Variants in SAMD5 observed in about 807,000 individuals in gnomAD.
SAMD5 encodes sterile alpha motif domain-containing protein 5.
SAMD5 carries 13 observed loss-of-function variants against 11.3 expected under a neutral mutation model. The observed-to-expected ratio is 1.15, with a 90% CI of 0.75 to 1.83. SAMD5 has a LOEUF of 1.83. SAMD5 is among the 40% of genes most tolerant of loss of function. The probability of loss-of-function intolerance (pLI) is 0.00; values close to 1 mark genes in which losing one functional copy is unlikely to be tolerated. For synonymous variants in SAMD5, 129 were observed against 111.3 expected, an observed-to-expected ratio of 1.16 and a Z score of -1.00; for missense variants, 255 against 239.1, an observed-to-expected ratio of 1.07 and a Z score of -0.44.
the SAMD5 span, among the ~76,000 whole-genome samples, chr6:147,789,100 CAA>C: frequency 0.14 from 18,687 of 136,354 alleles, 1,516 homozygotes; most frequent in East Asian, 0.33. Flanking sequence ...AACAAACAAA[CAA>C]AAAAAAAAAC....
At chr6:147,873,956 T>C in the SAMD5 span, among the ~76,000 whole-genome samples, 1 of 152,206 alleles carries the variant, frequency 6.6e-6, no homozygotes, top group African/African-American at 2.4e-5. Flanking sequence ...AAAAATAGAA[T>C]GAGTCAGTGG....
At chr6:147,619,697 C>A (rs1789928829) in intron 1 of SAMD5, among the ~76,000 whole-genome samples, 1 of 152,228 alleles carries the variant, frequency 6.6e-6, no homozygotes, top group Admixed American at 6.5e-5. Flanking sequence ...AAGGTGTTAG[C>A]AGTATCAGGG....
At chr6:147,887,794 T>C in the SAMD5 span, among the ~76,000 whole-genome samples, 2 of 152,228 alleles carry the variant, frequency 1.3e-5, no homozygotes, top group Admixed American at 6.5e-5. Context: ...TCACAAAAAA[T>C]GTGTGAGAGT....
chr6:147,860,514 G>A, the SAMD5 span, among the ~76,000 whole-genome samples: 1 of 152,130 alleles, frequency 6.6e-6, no homozygotes, highest in Non-Finnish European at 1.5e-5. Flanking sequence ...TCATAAAGAT[G>A]ATTCTTTACT....
chr6:147,733,691 G>A (rs1169822407), intron 1 of SAMD5: 1 of 373,478 alleles, frequency 2.7e-6, no homozygotes, highest in Admixed American at 6.4e-5. Flanking sequence ...TATACTAAAT[G>A]TTATATCTGA....
intron 1 of SAMD5, among the ~76,000 whole-genome samples, chr6:147,586,423 GC>G (rs1250848697): frequency 2.6e-5 from 4 of 152,036 alleles, no homozygotes; most frequent in Non-Finnish European, 4.4e-5. Flanking sequence ...ATATGCTTGT[GC>G]CCTCCACAAG....
At chr6:147,786,121 G>T in the SAMD5 span, among the ~76,000 whole-genome samples, 4 of 152,076 alleles carry the variant, frequency 2.6e-5, no homozygotes, top group African/African-American at 9.7e-5. Flanking sequence ...TTTGAGTTCC[G>T]CAAAATGTCT....
the SAMD5 span, among the ~76,000 whole-genome samples, chr6:147,844,843 G>A: frequency 6.6e-6 from 1 of 152,116 alleles, no homozygotes; most frequent in African/African-American, 2.4e-5. Context: ...AGAGACTAGG[G>A]TGGAACAGGG....
chr6:147,666,699 A>G (rs1293246256), intron 1 of SAMD5, among the ~76,000 whole-genome samples: 1 of 152,140 alleles, frequency 6.6e-6, no homozygotes, highest in African/African-American at 2.4e-5. Context: ...AAAATGCCAA[A>G]TTTTGTAAAT....
At chr6:147,877,101 A>C in the SAMD5 span, among the ~76,000 whole-genome samples, 1 of 152,180 alleles carries the variant, frequency 6.6e-6, no homozygotes, top group African/African-American at 2.4e-5. Context: ...ATCATTGATA[A>C]GGATATTAAT....
intron 1 of SAMD5, among the ~76,000 whole-genome samples, chr6:147,737,118 T>C (rs1461732170): frequency 1.3e-5 from 2 of 152,152 alleles, no homozygotes; most frequent in Non-Finnish European, 2.9e-5. Context: ...CATTATAGTG[T>C]ATTATATGTT....
chr6:147,839,470 C>T, the SAMD5 span, among the ~76,000 whole-genome samples: 2 of 152,104 alleles, frequency 1.3e-5, no homozygotes, highest in East Asian at 3.8e-4. Context: ...AAACTTGGGC[C>T]GGGCGCAATG....
chr6:147,711,636 T>C lies in SAMD5; in HGVS notation c.163-25681T>C, dbSNP rs1791401560. Among the ~76,000 whole-genome samples, 1 of 152,182 alleles carries C rather than the reference T, an allele frequency of 6.6e-6. No homozygotes were observed. The highest frequency in any genetic ancestry group is 2.1e-4 in the South Asian group (1 of 4,830). On this transcript the variant is annotated intron_variant, in intron 1 of 1. Coordinates refer to the SAMD5 transcript ENST00000566741. This position sits in a 1 kb window ranked among gnomAD's most constrained non-coding sequence, Gnocchi z 4.1. ...AAAGGCTAGGAATGCCAAATTAAAT[T>C]TCTTGGAAAATAGTGGTTTGCATTC... is the stretch of plus-strand genomic sequence containing the variant.
the SAMD5 span, among the ~76,000 whole-genome samples, chr6:147,840,702 T>G: frequency 1.3e-5 from 2 of 152,262 alleles, no homozygotes. Flanking sequence ...CTTAATTCTT[T>G]GTAACTCAGT....
chr6:147,597,328 G>A (rs1306725282), intron 1 of SAMD5, among the ~76,000 whole-genome samples: 1 of 152,110 alleles, frequency 6.6e-6, no homozygotes, highest in Non-Finnish European at 1.5e-5. Context: ...GCTGAGATGT[G>A]TTTTCAGACC....
intron 1 of SAMD5, among the ~76,000 whole-genome samples, chr6:147,630,026 C>T (rs1440711805): frequency 6.6e-6 from 1 of 151,178 alleles, no homozygotes; most frequent in African/African-American, 2.4e-5. Context: ...CTCCGCTCAC[C>T]ACAACCTCCA....
chr6:147,533,809 G>A lies in SAMD5; in HGVS notation c.459+24422G>A, dbSNP rs113018352. Among the ~76,000 whole-genome samples the A allele has an allele frequency of 3.8e-3, 576 of 152,176 alleles. 1 individual carries two copies. Among genetic ancestry groups the A allele is most frequent in the African/African-American group, 0.011 (470 of 41,518 alleles). On this transcript the variant is annotated intron_variant, in intron 1 of 1. Transcript: ENST00000367474. ...TAAAAGCAGAATTCCTTTTTTCTTGGGGGACTTTAGTCTTTTTCTCTTAAG... is the reference window on the plus strand; with the variant it reads ...TAAAAGCAGAATTCCTTTTTTCTTGAGGGACTTTAGTCTTTTTCTCTTAAG...
chr6:147,858,240 G>T, the SAMD5 span, among the ~76,000 whole-genome samples: 3 of 151,988 alleles, frequency 2.0e-5, no homozygotes, highest in Admixed American at 6.6e-5. Context: ...TATTGCCATT[G>T]GTCAGTTAGC....
chr6:147,657,634 T>C (rs1333911245), intron 1 of SAMD5, among the ~76,000 whole-genome samples: 1 of 152,206 alleles, frequency 6.6e-6, no homozygotes, highest in Non-Finnish European at 1.5e-5. Context: ...TTTCTCACAG[T>C]TCTGGAGGCT....
Sources: gnomAD v4.1 joint callset for allele counts (sites outside exome capture counted in the v4.1 genomes callset) on GRCh38, gnomAD v4.1.1 for gene constraint, Gnocchi (gnomAD v3.1) non-coding constraint, MANE v1.5 for transcripts, NCBI Gene and HGNC (gene_info 2026-07-23, HGNC 2026-07-21) for gene names.